Variants in CIRSR observed in about 807,000 individuals in gnomAD.
CIRSR encodes corepressor of RBPJ and splicing regulator, also known as CBF1 (RBPJ) interacting corepressor 1.
At chr2:174,368,314 T>G in the CIRSR span, among the ~76,000 whole-genome samples, 1 of 152,174 alleles carries the variant, frequency 6.6e-6, no homozygotes, top group Non-Finnish European at 1.5e-5. Context: ...ATAGACCACA[T>G]TCTGGGCCAT....
the CIRSR span, among the ~76,000 whole-genome samples, chr2:174,356,279 A>G: frequency 2.6e-5 from 4 of 151,982 alleles, no homozygotes; most frequent in African/African-American, 9.7e-5. Flanking sequence ...CAGCTTGGGC[A>G]ACATGGTGAG....
chr2:174,349,801 G>C, the CIRSR span, among the ~76,000 whole-genome samples: 1 of 152,056 alleles, frequency 6.6e-6, no homozygotes, highest in Admixed American at 6.6e-5. Context: ...AAGAAAGCCT[G>C]TGAAAGGTGT....
At chr2:174,357,236 T>C in the CIRSR span, among the ~76,000 whole-genome samples, 6 of 152,230 alleles carry the variant, frequency 3.9e-5, no homozygotes, top group African/African-American at 1.4e-4. Context: ...TTTAACATGT[T>C]TCTCTAGCTC....
the CIRSR span, among the ~76,000 whole-genome samples, chr2:174,390,608 G>A: frequency 1.3e-5 from 2 of 152,188 alleles, no homozygotes; most frequent in African/African-American, 4.8e-5. Flanking sequence ...CATGAGATCT[G>A]GAAGGGGCTG....
chr2:174,365,528 A>G, the CIRSR span, among the ~76,000 whole-genome samples: 1 of 152,182 alleles, frequency 6.6e-6, no homozygotes, highest in African/African-American at 2.4e-5. Flanking sequence ...CCAAACTTAC[A>G]ATTTACAAAA....
the CIRSR span, among the ~76,000 whole-genome samples, chr2:174,393,740 T>C: frequency 6.6e-6 from 1 of 151,810 alleles, no homozygotes; most frequent in Non-Finnish European, 1.5e-5. Flanking sequence ...AAGCTGTACA[T>C]ATTTAATGTA....
At chr2:174,364,368 C>A in the CIRSR span, among the ~76,000 whole-genome samples, 1 of 152,220 alleles carries the variant, frequency 6.6e-6, no homozygotes, top group African/African-American at 2.4e-5. Flanking sequence ...GCGTTGAGCA[C>A]CTGCAGCTTT....
At chr2:174,393,279 C>T in the CIRSR span, among the ~76,000 whole-genome samples, 1 of 152,006 alleles carries the variant, frequency 6.6e-6, no homozygotes, top group Non-Finnish European at 1.5e-5. Context: ...AAAAAAAGAA[C>T]AGCTGAACAA....
the CIRSR span, among the ~76,000 whole-genome samples, chr2:174,390,556 CTT>C: frequency 1.3e-5 from 2 of 152,144 alleles, no homozygotes; most frequent in Non-Finnish European, 2.9e-5. Flanking sequence ...TGAGTTAAGA[CTT>C]TGGTTGTTAA....
the CIRSR span, among the ~76,000 whole-genome samples, chr2:174,388,150 G>A: frequency 6.6e-6 from 1 of 152,186 alleles, no homozygotes; most frequent in Non-Finnish European, 1.5e-5. Flanking sequence ...CAATTTGGCC[G>A]CAATTACATC....
the CIRSR span, chr2:174,381,601 G>A: frequency 3.8e-6 from 3 of 782,354 alleles, no homozygotes; most frequent in Non-Finnish European, 6.2e-6. Context: ...AGGTTGTAGT[G>A]TGCTGAGATG....
At chr2:174,348,467 CACAT>C in the CIRSR span, 1 of 1,560,180 alleles carries the variant, frequency 6.4e-7, no homozygotes, top group Non-Finnish European at 8.7e-7. Context: ...AGGTAATTGT[CACAT>C]ACAGTCTTTC....
At chr2:174,395,424 A>T in the CIRSR span, 1 of 898,726 alleles carries the variant, frequency 1.1e-6, no homozygotes, top group Non-Finnish European at 1.8e-6. Flanking sequence ...CGAGACCACC[A>T]GGGCTTTAGG....
the CIRSR span, among the ~76,000 whole-genome samples, chr2:174,356,494 G>A: frequency 2.1e-5 from 3 of 142,616 alleles, no homozygotes; most frequent in Admixed American, 7.3e-5. Flanking sequence ...AAAGACAGAC[G>A]GGAAGGAAGA....
chr2:174,387,528 A>G, the CIRSR span: 6 of 684,466 alleles, frequency 8.8e-6, no homozygotes, highest in African/African-American at 5.7e-5. Flanking sequence ...GTGGTCATCT[A>G]CAGGTATGAG....
At chr2:174,388,364 A>C in the CIRSR span, among the ~76,000 whole-genome samples, 19 of 151,718 alleles carry the variant, frequency 1.3e-4, no homozygotes, top group Non-Finnish European at 2.6e-4. Flanking sequence ...ACACCAAACT[A>C]ATTTTTTTGT....
chr2:174,350,640 A>C, the CIRSR span: 1 of 1,484,962 alleles, frequency 6.7e-7, no homozygotes. Context: ...AAATCTATTA[A>C]ATATATACTT....
chr2:174,393,970 A>G, the CIRSR span, among the ~76,000 whole-genome samples: 1 of 152,222 alleles, frequency 6.6e-6, no homozygotes, highest in African/African-American at 2.4e-5. Context: ...TGCTAATCAA[A>G]AACATTTCAT....
the CIRSR span, chr2:174,387,704 GTTCT>G: frequency 1.3e-6 from 2 of 1,587,764 alleles, no homozygotes; most frequent in Admixed American, 1.8e-5. Flanking sequence ...TATGATTCTT[GTTCT>G]TTAAGATATT....
Sources: allele counts gnomAD v4.1 joint callset (sites outside exome capture counted in the v4.1 genomes callset), GRCh38; gene constraint gnomAD v4.1.1; transcripts MANE v1.5; gene names NCBI Gene and HGNC (gene_info 2026-07-23, HGNC 2026-07-21).